The following GRID2 variants were observed in gnomAD, a reference collection of about 807,000 sequenced individuals.
The protein encoded by GRID2 is glutamate receptor ionotropic, delta-2.
Under a neutral mutation model 114.8 loss-of-function variants are expected in GRID2, and 33 were observed. That is an observed-to-expected ratio of 0.29 (90% CI 0.22 to 0.38). The LOEUF is 0.38. GRID2 is among the 10% of genes least tolerant of loss of function. GRID2 has a pLI of 1.00. For missense variants in GRID2, 1,184 were observed against 1,257.7 expected (o/e 0.94, Z 0.89); for synonymous variants, 505 against 449.9 (o/e 1.12, Z -1.55).
intron 4 of GRID2, among the ~76,000 whole-genome samples, chr4:93,193,609 C>A (rs1374775630): frequency 6.6e-6 from 1 of 152,164 alleles, no homozygotes; most frequent in Non-Finnish European, 1.5e-5. Context: ...TTGTAAATTA[C>A]CCAGTCTCAA....
At chr4:92,765,960 C>G (rs1738243192) in intron 2 of GRID2, among the ~76,000 whole-genome samples, 4 of 152,130 alleles carry the variant, frequency 2.6e-5, no homozygotes. Context: ...TTGATATACA[C>G]TTCTGTAGAG....
intron 5 of GRID2, among the ~76,000 whole-genome samples, chr4:93,212,983 G>A (rs1431683974): frequency 6.6e-6 from 1 of 152,052 alleles, no homozygotes; most frequent in Non-Finnish European, 1.5e-5. Context: ...ATGTTGGCCA[G>A]GCTGGTCTCG....
chr4:93,001,166 T>C (rs1488335273), intron 2 of GRID2, among the ~76,000 whole-genome samples: 2 of 151,680 alleles, frequency 1.3e-5, no homozygotes, highest in Non-Finnish European at 3.0e-5. Flanking sequence ...TTCCTCCCTA[T>C]ATTCAGCATA....
chr4:93,344,931 A>G (rs1479619053), intron 8 of GRID2, among the ~76,000 whole-genome samples: 2 of 151,374 alleles, frequency 1.3e-5, no homozygotes, highest in East Asian at 1.9e-4. Flanking sequence ...AGTTTTATCC[A>G]TGTTATCAAA....
At chr4:92,932,900 A>G (rs1750357742) in intron 2 of GRID2, among the ~76,000 whole-genome samples, 1 of 151,276 alleles carries the variant, frequency 6.6e-6, no homozygotes, top group African/African-American at 2.4e-5. Context: ...GTGATAATTG[A>G]AATTAGACTG....
intron 9 of GRID2, among the ~76,000 whole-genome samples, chr4:93,416,490 G>T (rs563214359): frequency 1.4e-4 from 22 of 152,042 alleles, no homozygotes; most frequent in Admixed American, 1.2e-3. Flanking sequence ...GAATTATAAA[G>T]AATTTCCAGT....
At chr4:93,495,063 G>A (rs1442154915) in intron 12 of GRID2, among the ~76,000 whole-genome samples, 1 of 151,710 alleles carries the variant, frequency 6.6e-6, no homozygotes, top group Non-Finnish European at 1.5e-5. Flanking sequence ...GATGAAACTT[G>A]AGTTTTTTCA....
chr4:92,604,978 A>T (rs1729384730), intron 2 of GRID2, among the ~76,000 whole-genome samples: 1 of 151,422 alleles, frequency 6.6e-6, no homozygotes, highest in Non-Finnish European at 1.5e-5. Context: ...GAGTTCTCGC[A>T]AGATCTGATG....
intron 13 of GRID2, among the ~76,000 whole-genome samples, chr4:93,622,346 G>T (rs113809484): frequency 9.5e-4 from 144 of 152,166 alleles, no homozygotes; most frequent in Non-Finnish European, 1.8e-3. Flanking sequence ...AATTGTTTCC[G>T]ATGATATTAC....
intron 11 of GRID2, among the ~76,000 whole-genome samples, chr4:93,466,310 C>T (rs750583194): frequency 2.0e-5 from 3 of 152,162 alleles, no homozygotes; most frequent in East Asian, 3.9e-4. Flanking sequence ...AGGCAAGCCC[C>T]GAAGTGGAGC....
chr4:93,479,993 T>C (rs1377911899), intron 11 of GRID2, among the ~76,000 whole-genome samples: 1 of 152,094 alleles, frequency 6.6e-6, no homozygotes, highest in African/African-American at 2.4e-5. Context: ...TTGTATAAGA[T>C]ATAAAAAACT....
chr4:92,672,938 T>A (rs894266526), intron 2 of GRID2, among the ~76,000 whole-genome samples: 9 of 152,166 alleles, frequency 5.9e-5, no homozygotes, highest in African/African-American at 2.2e-4. Flanking sequence ...TAAGTGTGTA[T>A]TTAAGCCCAT....
chr4:93,631,953 T>C (rs776050182), intron 14 of GRID2, among the ~76,000 whole-genome samples: 30 of 152,248 alleles, frequency 2.0e-4, no homozygotes, highest in Admixed American at 1.3e-3. Flanking sequence ...GATTTGCATT[T>C]CTCTGATGGC....
chr4:93,002,394 T>A (rs1199511613), intron 2 of GRID2, among the ~76,000 whole-genome samples: 3 of 151,684 alleles, frequency 2.0e-5, no homozygotes, highest in Non-Finnish European at 3.0e-5. Flanking sequence ...ACAAAGACCT[T>A]GTTTACCGTA....
intron 2 of GRID2, among the ~76,000 whole-genome samples, chr4:93,082,129 C>A (rs533749768): frequency 6.6e-6 from 1 of 152,152 alleles, no homozygotes; most frequent in Admixed American, 6.5e-5. Flanking sequence ...GAGGCCCGTT[C>A]TTATATGTGC....
chr4:93,229,374 G>C (rs1006226552), intron 7 of GRID2, among the ~76,000 whole-genome samples: 3 of 152,152 alleles, frequency 2.0e-5, no homozygotes, highest in African/African-American at 7.2e-5. Flanking sequence ...CTAGGGGTTA[G>C]GGCTGGCAAA....
chr4:92,319,322 G>A lies in GRID2; in HGVS notation c.88+14578G>A, dbSNP rs2110123792. Among the ~76,000 whole-genome samples, 4 of 152,284 alleles carry A rather than the reference G, an allele frequency of 2.6e-5. No individual in the cohort carries two copies. The Middle Eastern group carries it at 0.014, about 518-fold the overall frequency. ...CTCCCAATTCAAAGTAAGATGTACTGTAATGATGAAAGAAAAAATACCTTC... is the reference window on the plus strand; with the variant it reads ...CTCCCAATTCAAAGTAAGATGTACTATAATGATGAAAGAAAAAATACCTTC... On this transcript the variant is annotated intron_variant, in intron 1 of 15. Transcript: ENST00000282020.
At chr4:93,676,055 T>G (rs573150045) in intron 14 of GRID2, among the ~76,000 whole-genome samples, 2 of 152,288 alleles carry the variant, frequency 1.3e-5, no homozygotes, top group South Asian at 4.1e-4. Flanking sequence ...CGGGAAGAGT[T>G]GTCATATTTC....
intron 2 of GRID2, among the ~76,000 whole-genome samples, chr4:92,870,590 AAAG>A (rs1421738453): frequency 1.9e-4 from 29 of 152,128 alleles, no homozygotes; most frequent in African/African-American, 6.3e-4. Flanking sequence ...TTTAAATAAA[AAAG>A]AAATACATAG....
Sources: gnomAD v4.1 joint callset for allele counts (sites outside exome capture counted in the v4.1 genomes callset) on GRCh38, gnomAD v4.1.1 for gene constraint, MANE v1.5 for transcripts, NCBI Gene and HGNC (gene_info 2026-07-23, HGNC 2026-07-21) for gene names.